MTR: variants seen among roughly 807,000 people sequenced by gnomAD.
MTR encodes 5-methyltetrahydrofolate-homocysteine methyltransferase.
Under a neutral mutation model 154.8 loss-of-function variants are expected in MTR, and 84 were observed. The observed-to-expected ratio is 0.54, with a 90% CI of 0.45 to 0.65. The LOEUF is 0.65. Among genes scored for constraint, MTR ranks in the 30% least tolerant of loss-of-function variants. The probability of loss-of-function intolerance (pLI) is 0.00; values close to 1 mark genes in which losing one functional copy is unlikely to be tolerated. For missense variants in MTR, 1,275 were observed against 1,570.2 expected (o/e 0.81, Z 3.18); for synonymous variants, 554 against 553.9 (o/e 1.00, Z 0.00).
chr1:236,844,801 CAG>C (rs1215820870), intron 15 of MTR, among the ~76,000 whole-genome samples: 6 of 152,182 alleles, frequency 3.9e-5, no homozygotes, highest in Admixed American at 3.3e-4. Flanking sequence ...AAGGTCAACT[CAG>C]AGTGAGAATG....
At chr1:236,867,493 G>C (rs1007542520) in intron 22 of MTR, among the ~76,000 whole-genome samples, 2 of 152,200 alleles carry the variant, frequency 1.3e-5, no homozygotes, top group African/African-American at 4.8e-5. Context: ...TTTCATGCCT[G>C]CTAACACAAC....
chr1:236,797,188 G>A (rs887043422), intron 1 of MTR, among the ~76,000 whole-genome samples: 2 of 152,186 alleles, frequency 1.3e-5, no homozygotes, highest in African/African-American at 4.8e-5. Flanking sequence ...CTTAGATGTA[G>A]TCCAGCTTCT....
At chr1:236,887,351 T>G (rs1310856863) in intron 27 of MTR, among the ~76,000 whole-genome samples, 1 of 152,196 alleles carries the variant, frequency 6.6e-6, no homozygotes, top group Non-Finnish European at 1.5e-5. Flanking sequence ...TGACTCTGAC[T>G]CACGGAGTGA....
chr1:236,828,497 G>A (rs1157750153), intron 11 of MTR, among the ~76,000 whole-genome samples: 1 of 151,920 alleles, frequency 6.6e-6, no homozygotes. Context: ...TTCTAATTTG[G>A]GGACAGTAGA....
chr1:236,867,193 C>A lies in MTR; in HGVS notation c.2405+3639C>A, dbSNP rs541054898. On this transcript the variant is annotated intron_variant, in intron 22 of 32. Coordinates refer to ENST00000366577, the MANE Select transcript of MTR (RefSeq NM_000254.3). ...AAACTTGAAAGGACAGGCTGACTCT[C>A]TTGTGGAGGGGCTGATGACTGTCAG... 3.3e-5 allele frequency among the ~76,000 whole-genome samples: 5 copies of A among 152,226 alleles called. No homozygotes were observed. The East Asian group carries it at 5.8e-4, about 18-fold the overall frequency.
At chr1:236,818,871 TATAAA>T (rs1661756405) in intron 8 of MTR, among the ~76,000 whole-genome samples, 1 of 152,190 alleles carries the variant, frequency 6.6e-6, no homozygotes, top group Non-Finnish European at 1.5e-5. Flanking sequence ...TGAATTAAAA[TATAAA>T]ATACACAGTG....
chr1:236,885,543 A>G (rs1023766341), intron 26 of MTR, among the ~76,000 whole-genome samples: 11 of 152,214 alleles, frequency 7.2e-5, no homozygotes, highest in Non-Finnish European at 1.6e-4. Context: ...GTGCTGAAAC[A>G]GTGTACTGAA....
At chr1:236,816,327 T>C in intron 7 of MTR, 122 bp from the exon 8 acceptor site, 1 of 847,302 alleles carries the variant, frequency 1.2e-6, no homozygotes, top group South Asian at 1.4e-5. Context: ...TGAATTTGAG[T>C]TCCACATTTC....
intron 15 of MTR, among the ~76,000 whole-genome samples, chr1:236,839,105 A>T (rs1383025428): frequency 1.3e-5 from 2 of 152,244 alleles, no homozygotes; most frequent in African/African-American, 4.8e-5. Context: ...TATGTGGTCA[A>T]TGACTGTATA....
intron 13 of MTR, among the ~76,000 whole-genome samples, chr1:236,833,966 C>T (rs950756594): frequency 6.6e-6 from 1 of 152,124 alleles, no homozygotes; most frequent in Non-Finnish European, 1.5e-5. Context: ...TTTGTAGAGA[C>T]CTTTCCCTTT....
chr1:236,876,183 A>G (rs1292841739), intron 24 of MTR, among the ~76,000 whole-genome samples: 1 of 152,282 alleles, frequency 6.6e-6, no homozygotes, highest in East Asian at 1.9e-4. Context: ...CCAAGTTTAT[A>G]CGTGAAATTA....
intron 13 of MTR, among the ~76,000 whole-genome samples, chr1:236,832,673 A>T (rs985240083): frequency 2.0e-5 from 3 of 152,236 alleles, no homozygotes; most frequent in African/African-American, 7.2e-5. Context: ...ATATGAATTT[A>T]AAAATGGAGG....
chr1:236,819,253 C>T (rs142294758), intron 8 of MTR, among the ~76,000 whole-genome samples: 94 of 152,236 alleles, frequency 6.2e-4, no homozygotes, highest in Middle Eastern at 6.8e-3. Context: ...CCCTTGTGCT[C>T]CAGTTATTTA....
At chr1:236,890,175 C>T (rs574783087) in intron 28 of MTR, among the ~76,000 whole-genome samples, 12 of 152,172 alleles carry the variant, frequency 7.9e-5, no homozygotes, top group African/African-American at 1.7e-4. Context: ...TGTGCGTGTT[C>T]GGATGCTGAG....
intron 1 of MTR, among the ~76,000 whole-genome samples, chr1:236,798,324 C>A (rs1349015356): frequency 1.3e-5 from 2 of 152,152 alleles, no homozygotes; most frequent in South Asian, 2.1e-4. Flanking sequence ...TTTGTTTAGG[C>A]CTTCATCTTG....
intron 24 of MTR, among the ~76,000 whole-genome samples, chr1:236,878,725 G>A (rs1018434863): frequency 1.3e-5 from 2 of 152,180 alleles, no homozygotes; most frequent in Non-Finnish European, 2.9e-5. Context: ...TGGATGAATC[G>A]ATATTTGGAG....
intron 24 of MTR, among the ~76,000 whole-genome samples, chr1:236,880,201 C>T (rs759552120): frequency 4.6e-5 from 7 of 152,028 alleles, no homozygotes; most frequent in Non-Finnish European, 8.8e-5. Context: ...CTTGCTTTTG[C>T]CTCTCTGTAT....
intron 19 of MTR, 34 bp from the exon 20 acceptor site, chr1:236,861,091 C>G (rs769247518): frequency 2.7e-5 from 38 of 1,415,908 alleles, no homozygotes; most frequent in Admixed American, 4.8e-5. Flanking sequence ...TTCTTTCTTT[C>G]TTTTTCTTTT....
At chr1:236,896,912 C>T in intron 31 of MTR, 94 bp from the exon 32 acceptor site, 1 of 909,372 alleles carries the variant, frequency 1.1e-6, no homozygotes, top group East Asian at 2.4e-5. Context: ...CTTTGGTTCA[C>T]TTGTTCAACA....
Sources: gnomAD v4.1 joint callset for allele counts (sites outside exome capture counted in the v4.1 genomes callset) on GRCh38, gnomAD v4.1.1 for gene constraint, MANE v1.5 for transcripts, NCBI Gene and HGNC (gene_info 2026-07-23, HGNC 2026-07-21) for gene names.